The following ECT2L variants were observed in gnomAD, a reference collection of about 807,000 sequenced individuals.
ECT2L encodes the protein epithelial cell transforming 2 like.
Under a neutral mutation model 122.8 loss-of-function variants are expected in ECT2L, and 126 were observed. That is an observed-to-expected ratio of 1.03 (90% CI 0.89 to 1.19). ECT2L has a LOEUF of 1.19. Among genes scored for constraint, ECT2L ranks in the 50% most tolerant of loss-of-function variants. ECT2L has a pLI of 0.00. For synonymous variants in ECT2L, 385 were observed against 381.8 expected, an observed-to-expected ratio of 1.01 and a Z score of -0.10; for missense variants, 1,012 against 1,064.1, an observed-to-expected ratio of 0.95 and a Z score of 0.68.
At position 138,901,030 on chromosome 6, in the gene ECT2L, C is replaced by G. The variant is rs1265560040; in HGVS notation, c.2497C>G (p.Pro833Ala). The G allele has an allele frequency of 1.2e-6, 2 of 1,614,174 alleles. No homozygotes were observed. Among genetic ancestry groups the G allele is most frequent in the Non-Finnish European group, 1.7e-6 (2 of 1,180,018 alleles). Residue 833 changes from proline to alanine, a missense_variant, in exon 21 of 22, where the codon CCA becomes GCA. Pro to Ala is a conservative substitution (Grantham distance 27). Coordinates refer to ENST00000541398, the MANE Select transcript of ECT2L (RefSeq NM_001077706.3). ...TTCTAGTCGGGGCACATCTCACACT[C>G]CATTTGAGAGGACTTCAAAAACAAC... ...LVSSRGTSHT[P>A]FERTSKTTYQ...
intron 13 of ECT2L, among the ~76,000 whole-genome samples, chr6:138,871,336 C>G (rs1209962477): frequency 6.6e-6 from 1 of 152,182 alleles, no homozygotes; most frequent in Non-Finnish European, 1.5e-5. Context: ...GTGAGCACCT[C>G]TAGCAGGCAA....
intron 8 of ECT2L, among the ~76,000 whole-genome samples, chr6:138,848,441 C>A (rs1777309748): frequency 6.6e-6 from 1 of 151,956 alleles, no homozygotes; most frequent in African/African-American, 2.4e-5. Context: ...ATAAAGGAAG[C>A]ACAAAGATGA....
rs1779454051 is a variant in ECT2L, at chr6:138,902,946, T to C, written c.*319T>C. On this transcript the variant is annotated 3_prime_UTR_variant, in exon 22 of 22. Transcript: ENST00000541398. ...GCACATTGTGTAAAGCTTTGTTTTA[T>C]GATCTAATGAAAAAAGCAGAATGAA... 1.6e-5 allele frequency: 4 copies of C among 250,434 alleles called. No individual in the cohort carries two copies. The highest frequency in any genetic ancestry group is 2.3e-5 in the Non-Finnish European group (3 of 131,498). The allele number at this position is 250,434 out of a possible 1,614,324, so 15.5% of individuals were successfully genotyped here.
At chr6:138,842,514 G>C (rs1225743644) in intron 5 of ECT2L, among the ~76,000 whole-genome samples, 1 of 151,720 alleles carries the variant, frequency 6.6e-6, no homozygotes, top group African/African-American at 2.4e-5. Flanking sequence ...GTTCACACCT[G>C]TAATCCCAGC....
intron 4 of ECT2L, among the ~76,000 whole-genome samples, chr6:138,835,154 CTT>C (rs1416808140): frequency 1.3e-5 from 2 of 151,794 alleles, no homozygotes; most frequent in Admixed American, 6.6e-5. Context: ...TTAAAAAAAA[CTT>C]TTCATTTTGC....
At chr6:138,860,109 G>A (rs1777770485) in intron 10 of ECT2L, among the ~76,000 whole-genome samples, 1 of 152,136 alleles carries the variant, frequency 6.6e-6, no homozygotes. Flanking sequence ...ACAGGCATGA[G>A]CCACCGCGCC....
intron 1 of ECT2L, among the ~76,000 whole-genome samples, chr6:138,802,528 T>C (rs1183037684): frequency 1.3e-5 from 2 of 152,232 alleles, no homozygotes; most frequent in Non-Finnish European, 2.9e-5. Flanking sequence ...TGAAGATTCG[T>C]TGTGAACATT....
chr6:138,873,941 C>CACCT (rs1434127093), intron 13 of ECT2L, among the ~76,000 whole-genome samples: 7 of 136,706 alleles, frequency 5.1e-5, no homozygotes, highest in African/African-American at 2.1e-4. Flanking sequence ...TCTATCCATC[C>CACCT]ACCTACCTAC....
Position 138,865,231 on chromosome 6 carries a change from T to C in ECT2L, c.1474+53T>C, listed in dbSNP as rs1471194196. On this transcript the variant is annotated intron_variant, in intron 12 of 21. Transcript: ENST00000541398. ...GGTTAATTATGAAGTTGCTTTCATATCCCGAGTAAATACAAGTTTAGTTAT... is the reference window on the plus strand; with the variant it reads ...GGTTAATTATGAAGTTGCTTTCATACCCCGAGTAAATACAAGTTTAGTTAT... The C allele has an allele frequency of 4.0e-6, 6 of 1,505,342 alleles. No homozygotes were observed. The East Asian group carries it at 1.4e-4, about 34-fold the overall frequency. 93.2% of individuals were successfully genotyped at this position (1,505,342 alleles called of 1,614,324 possible).
chr6:138,876,482 T>C lies in ECT2L; in HGVS notation c.1589T>C (p.Val530Ala). 1 of 1,611,534 alleles carries C rather than the reference T, an allele frequency of 6.2e-7. No individual in the cohort carries two copies. The highest frequency in any genetic ancestry group is 2.2e-5 in the East Asian group (1 of 44,844). ...CCATTCAATCTTCAGGAAAGAAATG[T>C]TGTAGAAGACAATTCTTGGGACACA... The part of the protein sequence containing the change: ...ELSKEDSERN[V>A]VEDNSWDTKS... Residue 530 changes from valine to alanine, a missense_variant, in exon 14 of 22, where the codon GTT (valine) becomes GCT (alanine). Transcript: ENST00000541398.
In ECT2L at chr6:138,882,862, T is replaced by C. The variant is rs1778689623; in HGVS notation, c.2019T>C (p.Thr673=). 1.9e-6 allele frequency: 3 copies of C among 1,613,866 alleles called. No homozygotes were observed. Among genetic ancestry groups the C allele is most frequent in the Non-Finnish European group, 2.5e-6 (3 of 1,179,992 alleles). Reference sequence around the variant, plus strand: ...ACAATTACCCTGTCATTCTGAAAACTATTGAGAAGGTAAATGAGTTTCAAT... The same window carrying C: ...ACAATTACCCTGTCATTCTGAAAACCATTGAGAAGGTAAATGAGTTTCAAT... ...FFNNYPVILK[T]IEKCREMIPA... Residue 673 remains threonine (T), a synonymous_variant, in exon 16 of 22, where the codon ACT becomes ACC. Coordinates refer to ENST00000541398, the MANE Select transcript of ECT2L (RefSeq NM_001077706.3).
At chr6:138,900,834 G>A in intron 20 of ECT2L, 114 bp from the exon 21 acceptor site, 1 of 1,125,618 alleles carries the variant, frequency 8.9e-7, no homozygotes, top group South Asian at 1.6e-5. Context: ...CATTCAAAAT[G>A]TCAGTAGTGG....
intron 19 of ECT2L, among the ~76,000 whole-genome samples, chr6:138,887,748 T>C (rs1778877075): frequency 6.6e-6 from 1 of 152,216 alleles, no homozygotes; most frequent in South Asian, 2.1e-4. Flanking sequence ...TTTTCACACA[T>C]TTGTGCTTTG....
In ECT2L at chr6:138,885,752, C is replaced by T. The variant is rs369637766; in HGVS notation, c.2181C>T (p.Thr727=). The T allele has an allele frequency of 2.5e-5, 41 of 1,613,992 alleles. No individual in the cohort carries two copies. Among genetic ancestry groups the T allele is most frequent in the Non-Finnish European group, 2.8e-5 (33 of 1,180,024 alleles). ...TTCTCTACGCTGTCAGGCTTCATAC[C>T]CCTGCAGAGCATGTTGACCGTGGGG... ...LNLLYAVRLH[T]PAEHVDRGDL... The change falls in exon 18 of 22, where the codon ACC becomes ACT. Residue 727 remains threonine (T), a synonymous_variant. Coordinates refer to ENST00000541398, the MANE Select transcript of ECT2L (RefSeq NM_001077706.3).
chr6:138,881,218 A>T, intron 15 of ECT2L, 47 bp downstream of exon 15: 1 of 1,545,296 alleles, frequency 6.5e-7, no homozygotes. Context: ...GTGCACTGAG[A>T]AGAGCCCATG....
At position 138,825,584 on chromosome 6, in the gene ECT2L, AAAAAG is replaced by A. The variant is rs539268479; in HGVS notation, c.179+11004_179+11008del. Among the ~76,000 whole-genome samples the A allele has an allele frequency of 1.8e-3, 269 of 152,310 alleles. 1 individual carries two copies. Among genetic ancestry groups the A allele is most frequent in the South Asian group, 8.3e-3 (40 of 4,826 alleles). On this transcript the variant is annotated intron_variant, in intron 4 of 21. Transcript: ENST00000541398. ...GGCGACAGAGCAGGACTCCGTCTAA[AAAAAG>A]AAAAGAAAAGAAAAGAAAAGAATAC...
chr6:138,876,657 C>A, intron 14 of ECT2L, 99 bp downstream of exon 14: 2 of 681,796 alleles, frequency 2.9e-6, no homozygotes, highest in South Asian at 2.6e-5. Context: ...TTGAAAATTT[C>A]CCTTTGGGGG....
At chr6:138,858,543 A>G (rs554518824) in intron 10 of ECT2L, among the ~76,000 whole-genome samples, 9 of 152,266 alleles carry the variant, frequency 5.9e-5, no homozygotes, top group Non-Finnish European at 8.8e-5. Flanking sequence ...CCATGAAACC[A>G]TAAGAAAAAT....
At chr6:138,893,016 C>A (rs1779083428) in intron 20 of ECT2L, among the ~76,000 whole-genome samples, 1 of 152,094 alleles carries the variant, frequency 6.6e-6, no homozygotes, top group African/African-American at 2.4e-5. Context: ...AGGGTCTGAG[C>A]CTTACAGTTA....
Sources: allele counts gnomAD v4.1 joint callset (sites outside exome capture counted in the v4.1 genomes callset), GRCh38; gene constraint gnomAD v4.1.1; transcripts MANE v1.5; gene names NCBI Gene and HGNC (gene_info 2026-07-23, HGNC 2026-07-21).